The following RBFOX3 variants were observed in gnomAD, a reference collection of about 807,000 sequenced individuals.
The protein encoded by RBFOX3 is RNA binding protein fox-1 homolog 3.
RBFOX3 carries 17 observed loss-of-function variants against 48.7 expected under a neutral mutation model. That is an observed-to-expected ratio of 0.35 (90% CI 0.24 to 0.52). The LOEUF is 0.52. Ranked by LOEUF, RBFOX3 falls within the 20% of genes least tolerant of loss-of-function variation. RBFOX3 has a pLI of 0.94. For synonymous variants in RBFOX3, 212 were observed against 209.5 expected, an observed-to-expected ratio of 1.01 and a Z score of -0.10; for missense variants, 382 against 497.5, an observed-to-expected ratio of 0.77 and a Z score of 2.21.
chr17:79,232,527 T>C (rs1487578383), intron 4 of RBFOX3, among the ~76,000 whole-genome samples: 1 of 152,096 alleles, frequency 6.6e-6, no homozygotes, highest in East Asian at 1.9e-4. Flanking sequence ...GACAATTCAA[T>C]GGGGGAAAGG....
At chr17:79,240,991 T>TTAA (rs2062282988) in intron 3 of RBFOX3, among the ~76,000 whole-genome samples, 1 of 151,584 alleles carries the variant, frequency 6.6e-6, no homozygotes, top group East Asian at 1.9e-4. Context: ...AAAAAATTTT[T>TTAA]TTTGAGCAGG....
intron 1 of RBFOX3, among the ~76,000 whole-genome samples, chr17:79,553,610 G>C (rs2091349546): frequency 6.6e-6 from 1 of 152,214 alleles, no homozygotes; most frequent in African/African-American, 2.4e-5. Flanking sequence ...CTTTGTGTGA[G>C]AGTAGCTTAG....
At chr17:79,554,014 G>A (rs1458999914) in intron 1 of RBFOX3, among the ~76,000 whole-genome samples, 6 of 152,174 alleles carry the variant, frequency 3.9e-5, no homozygotes, top group Non-Finnish European at 5.9e-5. Context: ...GATTACAGGC[G>A]TGAGCCACTG....
At chr17:79,191,161 C>A (rs939818761) in intron 4 of RBFOX3, among the ~76,000 whole-genome samples, 1 of 152,174 alleles carries the variant, frequency 6.6e-6, no homozygotes, top group Non-Finnish European at 1.5e-5. Context: ...CATTTGCCAT[C>A]AATTTTTAGA....
intron 2 of RBFOX3, among the ~76,000 whole-genome samples, chr17:79,348,398 C>T (rs907618793): frequency 3.3e-5 from 5 of 152,192 alleles, no homozygotes; most frequent in Admixed American, 3.3e-4. Context: ...GTTTGGCCCA[C>T]CCCTGCTCCA....
intron 9 of RBFOX3, among the ~76,000 whole-genome samples, chr17:79,101,052 G>T (rs944851015): frequency 2.6e-5 from 4 of 152,154 alleles, no homozygotes; most frequent in Admixed American, 6.5e-5. Context: ...GTGCTTAAAG[G>T]TGTCATTTGT....
intron 2 of RBFOX3, among the ~76,000 whole-genome samples, chr17:79,474,757 C>A (rs1341489133): frequency 6.6e-6 from 1 of 152,182 alleles, no homozygotes; most frequent in Non-Finnish European, 1.5e-5. Context: ...TGACTCAGTC[C>A]CTGCTGCCCG....
intron 2 of RBFOX3, among the ~76,000 whole-genome samples, chr17:79,358,940 C>T (rs1277648391): frequency 1.3e-5 from 2 of 152,164 alleles, no homozygotes; most frequent in African/African-American, 2.4e-5. Context: ...TTCCCAAGTG[C>T]CCCCAGAGGG....
intron 3 of RBFOX3, among the ~76,000 whole-genome samples, chr17:79,258,219 C>T (rs2065188492): frequency 6.6e-6 from 1 of 152,214 alleles, no homozygotes; most frequent in African/African-American, 2.4e-5. Context: ...ACCAATCCAG[C>T]TCTCAGGGCT....
intron 2 of RBFOX3, among the ~76,000 whole-genome samples, chr17:79,366,297 A>G (rs1012471452): frequency 6.6e-6 from 1 of 152,214 alleles, no homozygotes; most frequent in African/African-American, 2.4e-5. Context: ...TTTCTGTATA[A>G]AGAACAGCAG....
At chr17:79,609,383 C>G (rs911563055) in intron 1 of RBFOX3, among the ~76,000 whole-genome samples, 1 of 152,032 alleles carries the variant, frequency 6.6e-6, no homozygotes. Context: ...CCTGCGCGCC[C>G]GAGAAGCGAC....
intron 1 of RBFOX3, among the ~76,000 whole-genome samples, chr17:79,574,698 C>G (rs1017696196): frequency 7.2e-5 from 11 of 152,168 alleles, no homozygotes; most frequent in African/African-American, 2.7e-4. Flanking sequence ...AGTAGCCATT[C>G]TTTTATTCCT....
At chr17:79,464,706 G>A (rs868951964) in intron 2 of RBFOX3, among the ~76,000 whole-genome samples, 7 of 152,240 alleles carry the variant, frequency 4.6e-5, no homozygotes, top group East Asian at 1.9e-4. Context: ...TGGGAGCATC[G>A]TAAGAGCCAC....
In RBFOX3 at chr17:79,362,566, C is replaced by A. The variant is rs2086583396; in HGVS notation, c.-174-54742G>T. Among the ~76,000 whole-genome samples the A allele has an allele frequency of 6.6e-6, 1 of 152,164 alleles. No homozygotes were observed. Among genetic ancestry groups the A allele is most frequent in the East Asian group, 1.9e-4 (1 of 5,184 alleles). The stretch of plus-strand genomic sequence containing the variant: ...CTGTGGCTTGGGATGGAGATGGGAG[C>A]CTTTATGTCCCGCGTGTGAGGGGCC... On this transcript the variant is annotated intron_variant, in intron 2 of 14. Transcript: ENST00000693108. The surrounding 1 kb of genome is among the most constrained non-coding windows in gnomAD (Gnocchi z 4.2).
At chr17:79,174,454 AC>A in intron 4 of RBFOX3, among the ~76,000 whole-genome samples, 1 of 151,834 alleles carries the variant, frequency 6.6e-6, no homozygotes, top group South Asian at 2.1e-4. Flanking sequence ...CATATCACAT[AC>A]GCCACATGCA....
chr17:79,177,516 T>C (rs1187563999), intron 4 of RBFOX3, among the ~76,000 whole-genome samples: 1 of 152,172 alleles, frequency 6.6e-6, no homozygotes, highest in African/African-American at 2.4e-5. Context: ...CGAATGGCCG[T>C]CAGCTTACCC....
rs1395753871 is a variant in RBFOX3 at position 79,094,275 on chromosome 17, A to C, written c.1077+176T>G. On this transcript the variant is annotated intron_variant, in intron 14 of 14. Coordinates refer to ENST00000693108, the MANE Select transcript of RBFOX3 (RefSeq NM_001350451.2). The stretch of plus-strand genomic sequence containing the variant: ...TTCAACCTGCTTCCCCGCAACTGAG[A>C]GGGCGTGAGGGGCCAGCCCTCCCCT... The C allele has an allele frequency of 6.1e-6, 3 of 488,444 alleles. No individual in the cohort carries two copies. In the East Asian group the frequency reaches 1.1e-4, roughly 17 times the overall value. The allele number at this position is 488,444 out of a possible 1,614,324, so 30.3% of individuals were successfully genotyped here. A position where few individuals can be genotyped will look rare whatever the true frequency, so the allele number is the denominator to read the frequency against.
intron 1 of RBFOX3, among the ~76,000 whole-genome samples, chr17:79,550,562 CG>C (rs2091038873): frequency 1.3e-5 from 2 of 152,088 alleles, no homozygotes; most frequent in Admixed American, 1.3e-4. Context: ...TAATCATTTA[CG>C]GAATGACGGA....
intron 1 of RBFOX3, among the ~76,000 whole-genome samples, chr17:79,559,537 T>C (rs1185828665): frequency 2.2e-5 from 3 of 135,364 alleles, no homozygotes; most frequent in Non-Finnish European, 4.7e-5. Context: ...AATAGGTGGA[T>C]GGGTGGATAG....
Sources: gnomAD v4.1 joint callset for allele counts (sites outside exome capture counted in the v4.1 genomes callset) on GRCh38, gnomAD v4.1.1 for gene constraint, Gnocchi (gnomAD v3.1) non-coding constraint, MANE v1.5 for transcripts, NCBI Gene and HGNC (gene_info 2026-07-23, HGNC 2026-07-21) for gene names.